FKBP15: variants seen among roughly 807,000 people sequenced by gnomAD.
The protein encoded by FKBP15 is FKBP prolyl isomerase family member 15, also known as FK506-binding protein 15.
Under a neutral mutation model 158.1 loss-of-function variants are expected in FKBP15, and 106 were observed. The ratio of observed to expected loss-of-function variants is 0.67; its 90% CI spans 0.57 to 0.79. The LOEUF is 0.79. FKBP15 is among the 30% of genes least tolerant of loss of function. The pLI, the probability that FKBP15 is intolerant of heterozygous loss-of-function variation, is 0.00. For missense variants in FKBP15, 1,287 were observed against 1,479.1 expected, an observed-to-expected ratio of 0.87 and a Z score of 2.13; for synonymous variants, 547 against 548.6, an observed-to-expected ratio of 1.00 and a Z score of 0.04.
Position 113,207,302 on chromosome 9 carries a change from G to C in FKBP15, c.170-6C>G. On this transcript the variant is annotated splice_polypyrimidine_tract_variant and splice_region_variant and intron_variant, in intron 2 of 27. Transcript: ENST00000238256. ...TTTTGGTGTTGCCTGATTTCCTGAA[G>C]ATGAACAAGAAAACAAAGTTGTCAT... The C allele has an allele frequency of 6.3e-7, 1 of 1,587,980 alleles. No individual in the cohort carries two copies. Among genetic ancestry groups the C allele is most frequent in the East Asian group, 2.2e-5 (1 of 44,800 alleles).
Position 113,198,638 on chromosome 9 carries a change from G to C in FKBP15, c.717+217C>G, listed in dbSNP as rs1221057118. Among the ~76,000 whole-genome samples, 1 of 152,214 alleles carries C rather than the reference G, an allele frequency of 6.6e-6. No homozygotes were observed. The highest frequency in any genetic ancestry group is 6.5e-5 in the Admixed American group (1 of 15,286). ...GTGGTGGCGCATGCCTGTAATCCCAGCTACTAGGGAGGCTGAGGCAGGAGA... is the reference window on the plus strand; with the variant it reads ...GTGGTGGCGCATGCCTGTAATCCCACCTACTAGGGAGGCTGAGGCAGGAGA... On this transcript the variant is annotated intron_variant, in intron 8 of 27. Coordinates refer to ENST00000238256, the MANE Select transcript of FKBP15 (RefSeq NM_015258.2). The surrounding 1 kb of genome is among the most constrained non-coding windows in gnomAD (Gnocchi z 5.2).
chr9:113,178,185 G>C (rs1423962470), intron 20 of FKBP15, among the ~76,000 whole-genome samples: 2 of 152,160 alleles, frequency 1.3e-5, no homozygotes, highest in Admixed American at 6.5e-5. Flanking sequence ...TCAGGGCCAG[G>C]ATGAACTGGA....
chr9:113,169,769 G>C lies in FKBP15; in HGVS notation c.2940C>G (p.Pro980=). ...APLNRERPES[P]MVPSEQVVEE... ...CGACCACCTGCTCTGAGGGCACCATGGGGGACTCTGGCCTCTCCCTATTCA... is the reference window on the plus strand; with the variant it reads ...CGACCACCTGCTCTGAGGGCACCATCGGGGACTCTGGCCTCTCCCTATTCA... Residue 980 remains proline, a synonymous_variant, in exon 26 of 28, where the codon CCC becomes CCG. Coordinates refer to ENST00000238256, the MANE Select transcript of FKBP15 (RefSeq NM_015258.2). 3.7e-6 allele frequency: 6 copies of C among 1,603,534 alleles called. No homozygotes were observed. The highest frequency in any genetic ancestry group is 5.1e-6 in the Non-Finnish European group (6 of 1,174,766).
At chr9:113,182,093 G>T (rs1830408701) in intron 19 of FKBP15, among the ~76,000 whole-genome samples, 2 of 152,194 alleles carry the variant, frequency 1.3e-5, no homozygotes, top group Admixed American at 6.5e-5. Context: ...CAAGTTACAA[G>T]TGTGTTCAAT....
At chr9:113,197,160 C>A in intron 8 of FKBP15, 82 bp from the exon 9 acceptor site, 2 of 1,528,994 alleles carry the variant, frequency 1.3e-6, no homozygotes, top group Non-Finnish European at 1.8e-6. Context: ...ACAGGTTTCA[C>A]TTATCCACAC....
At chr9:113,181,387 CAA>C (rs1830393231) in intron 19 of FKBP15, among the ~76,000 whole-genome samples, 1 of 152,134 alleles carries the variant, frequency 6.6e-6, no homozygotes, top group African/African-American at 2.4e-5. Flanking sequence ...CATACACACA[CAA>C]AACAGTGCTT....
At chr9:113,194,271 T>A in intron 9 of FKBP15, 102 bp from the exon 10 acceptor site, 1 of 919,400 alleles carries the variant, frequency 1.1e-6, no homozygotes, top group Non-Finnish European at 1.6e-6. Flanking sequence ...TGTTGTCGGG[T>A]GGGGGTAGAG....
chr9:113,194,121 G>A lies in FKBP15; in HGVS notation c.913C>T (p.Arg305Cys), dbSNP rs1002138276. ...ATGGGAGACGGAGCTGCAGAATCGC[G>A]GGAACTAACACTGTGACCATCAGAG... Reference protein sequence around the residue: ...SGSDGHSVSSRDSAAPSPIPG... With the variant: ...SGSDGHSVSSCDSAAPSPIPG... Residue 305 changes from arginine (R) to cysteine (C), a missense_variant, in exon 10 of 28, where the codon CGC becomes TGC. By Grantham distance (180) the Arg-to-Cys change is radical. Coordinates refer to ENST00000238256, the MANE Select transcript of FKBP15 (RefSeq NM_015258.2). 1.9e-6 allele frequency: 3 copies of A among 1,613,074 alleles called. No homozygotes were observed. Among genetic ancestry groups the A allele is most frequent in the South Asian group, 1.1e-5 (1 of 91,042 alleles).
intron 2 of FKBP15, among the ~76,000 whole-genome samples, chr9:113,210,442 C>T (rs1374619628): frequency 6.7e-6 from 1 of 148,990 alleles, no homozygotes; most frequent in Non-Finnish European, 1.5e-5. Flanking sequence ...AAGCAATTCT[C>T]CTGCCTCAGC....
chr9:113,184,426 T>C lies in FKBP15; in HGVS notation c.1609-27A>G, dbSNP rs1429772500. The C allele has an allele frequency of 6.7e-7, 1 of 1,495,352 alleles. No homozygotes were observed. 92.6% of individuals were successfully genotyped at this position (1,495,352 alleles called of 1,614,324 possible). On this transcript the variant is annotated intron_variant, in intron 16 of 27. Transcript: ENST00000238256. The surrounding 1 kb of genome is among the most constrained non-coding windows in gnomAD (Gnocchi z 4.5). ...TACAAAAGGGATACCAGAAAGACCT[T>C]GTGAGAAATTATAAAATGAAGAAAT...
intron 1 of FKBP15, among the ~76,000 whole-genome samples, chr9:113,215,202 A>G (rs1831094683): frequency 6.6e-6 from 1 of 152,178 alleles, no homozygotes; most frequent in Admixed American, 6.6e-5. Context: ...CTTTTGGCCT[A>G]TCTTTGTTTA....
chr9:113,217,774 G>A (rs1039038272), intron 1 of FKBP15, among the ~76,000 whole-genome samples: 2 of 152,070 alleles, frequency 1.3e-5, no homozygotes, highest in Admixed American at 6.6e-5. Flanking sequence ...CCAGGAGTTC[G>A]AAGCTGCAGT....
At chr9:113,217,707 G>C (rs919111438) in intron 1 of FKBP15, among the ~76,000 whole-genome samples, 2 of 152,008 alleles carry the variant, frequency 1.3e-5, no homozygotes, top group African/African-American at 2.4e-5. Flanking sequence ...CAGGCGTGGT[G>C]GCATGCGCCT....
In FKBP15 at chr9:113,184,755, G is replaced by A. The variant is rs1830456925; in HGVS notation, c.1548C>T (p.Asn516=). ...SFLMTEARQH[N]TEIRMAVSKV... is the part of the protein sequence containing the mutation. ...TGCTGACTGCCATTCGAATTTCAGT[G>A]TTATGTTGCCGGGCTTCAGTCATGA... Residue 516 remains asparagine, a synonymous_variant, in exon 16 of 28, where the codon AAC becomes AAT. Coordinates refer to ENST00000238256, the MANE Select transcript of FKBP15 (RefSeq NM_015258.2). The surrounding 1 kb of genome is among the most constrained non-coding windows in gnomAD (Gnocchi z 4.5). 1.9e-6 allele frequency: 3 copies of A among 1,608,384 alleles called. No homozygotes were observed. The highest frequency in any genetic ancestry group is 1.3e-5 in the African/African-American group (1 of 74,906).
chr9:113,163,148 C>T lies in FKBP15; in HGVS notation c.*2930G>A, dbSNP rs80294726. The T allele has an allele frequency of 7.4e-3, 2,821 of 381,854 alleles. 58 individuals are homozygous for T. The highest frequency in any genetic ancestry group is 0.041 in the Admixed American group (926 of 22,592). The allele number at this position is 381,854 out of a possible 1,614,324, so 23.7% of individuals were successfully genotyped here. A position where few individuals can be genotyped will look rare whatever the true frequency, so the allele number is the denominator to read the frequency against. On this transcript the variant is annotated 3_prime_UTR_variant, in exon 28 of 28. Transcript: ENST00000238256. ...CCAGGCATGGTCTTGTGTCTTAAGACAGCTGCTGTGACCAAAGGGAGAATG... is the reference window on the plus strand; with the variant it reads ...CCAGGCATGGTCTTGTGTCTTAAGATAGCTGCTGTGACCAAAGGGAGAATG...
intron 7 of FKBP15, 86 bp from the exon 8 acceptor site, chr9:113,199,009 C>T (rs1830737791): frequency 2.3e-6 from 2 of 868,858 alleles, no homozygotes; most frequent in Non-Finnish European, 1.9e-6. Flanking sequence ...CATACCAGCA[C>T]ACTACTTCTG....
intron 9 of FKBP15, among the ~76,000 whole-genome samples, chr9:113,194,448 A>T (rs1354773557): frequency 6.3e-5 from 8 of 127,244 alleles, no homozygotes; most frequent in African/African-American, 1.9e-4. Flanking sequence ...TAATAAATAA[A>T]TTAAAAAAAA....
At chr9:113,196,381 CTTTT>C (rs71384299) in intron 9 of FKBP15, among the ~76,000 whole-genome samples, 6 of 101,800 alleles carry the variant, frequency 5.9e-5, no homozygotes, top group Non-Finnish European at 7.9e-5. Flanking sequence ...GAAGAAGTGA[CTTTT>C]TTTTTTTTTT....
rs199865980 is a variant in FKBP15, at chr9:113,169,586, C to T, written c.3123G>A (p.Pro1041=). ...CTAGGGGCTCAGGTGGAATTGAAGT[C>T]GGGGGCCCTAGAACTCTGTGGGATG... ...CIPSHRVLGP[P]TSIPPEPLGP... is the part of the protein sequence containing the mutation. The change falls in exon 26 of 28, where the codon CCG becomes CCA. Residue 1041 remains proline, a synonymous_variant. Coordinates refer to ENST00000238256, the MANE Select transcript of FKBP15 (RefSeq NM_015258.2). The T allele has an allele frequency of 2.1e-5, 34 of 1,613,848 alleles. No individual in the cohort carries two copies. Among genetic ancestry groups the T allele is most frequent in the Middle Eastern group, 3.3e-4 (2 of 6,084 alleles).
Sources: gnomAD v4.1 joint callset for allele counts (sites outside exome capture counted in the v4.1 genomes callset) on GRCh38, gnomAD v4.1.1 for gene constraint, Gnocchi (gnomAD v3.1) non-coding constraint, MANE v1.5 for transcripts, NCBI Gene and HGNC (gene_info 2026-07-23, HGNC 2026-07-21) for gene names.